The following MBNL1 variants were observed in gnomAD, a reference collection of about 807,000 sequenced individuals.
MBNL1 encodes muscleblind like splicing regulator 1.
Under a neutral mutation model 42.2 loss-of-function variants are expected in MBNL1, and 8 were observed. The ratio of observed to expected loss-of-function variants is 0.19; its 90% CI spans 0.11 to 0.34. The LOEUF (loss-of-function observed/expected upper bound fraction) is 0.34. MBNL1 is among the 10% of genes least tolerant of loss of function. The pLI, the probability that MBNL1 is intolerant of heterozygous loss-of-function variation, is 1.00. For missense variants in MBNL1, 309 were observed against 495.3 expected (o/e 0.62, Z 3.57); for synonymous variants, 169 against 173.9 (o/e 0.97, Z 0.22).
At chr3:152,413,234 A>G (rs902072611) in intron 2 of MBNL1, among the ~76,000 whole-genome samples, 1 of 152,232 alleles carries the variant, frequency 6.6e-6, no homozygotes, top group Non-Finnish European at 1.5e-5. Context: ...CTTCGTGAGC[A>G]TACCAATAGC....
At chr3:152,265,313 G>T (rs992312171), upstream of MBNL1, 7 of 151,456 alleles carry the variant, frequency 4.6e-5, no homozygotes, top group African/African-American at 1.7e-4. Flanking sequence ...TTTTATCCTG[G>T]TATAATAAAA....
chr3:152,332,893 G>A (rs1371687062), intron 2 of MBNL1, among the ~76,000 whole-genome samples: 1 of 152,062 alleles, frequency 6.6e-6, no homozygotes, highest in Non-Finnish European at 1.5e-5. Flanking sequence ...TTAACATTTG[G>A]GGACCTGAGT....
intron 2 of MBNL1, among the ~76,000 whole-genome samples, chr3:152,392,473 A>G (rs2153481116): frequency 6.6e-6 from 1 of 152,352 alleles, no homozygotes; most frequent in South Asian, 2.1e-4. Flanking sequence ...GCTTTTGAAA[A>G]TCAGCATACT....
chr3:152,364,580 C>CA (rs2096241579), intron 2 of MBNL1, among the ~76,000 whole-genome samples: 1 of 151,604 alleles, frequency 6.6e-6, no homozygotes, highest in African/African-American at 2.4e-5. Flanking sequence ...AATGGCATTA[C>CA]ATATTTATGG....
Position 152,432,862 on chromosome 3 carries a change from C to T in MBNL1, c.491C>T (p.Pro164Leu). ...PMLVTGNPGV[P>L]VPAAAAAAAQ... is the part of the protein sequence containing the mutation. Reference sequence around the variant, plus strand: ...TTGGTTACAGGGAATCCGGGTGTCCCTGTACCTGCAGCTGCTGCAGCTGCT... The same window carrying T: ...TTGGTTACAGGGAATCCGGGTGTCCTTGTACCTGCAGCTGCTGCAGCTGCT... Residue 164 changes from proline to leucine, a missense_variant, in exon 4 of 10, where the codon CCT becomes CTT. Coordinates refer to ENST00000324210, the MANE Select transcript of MBNL1 (RefSeq NM_021038.5). 1 of 1,614,094 alleles carries T rather than the reference C, an allele frequency of 6.2e-7. No homozygotes were observed. The highest frequency in any genetic ancestry group is 8.5e-7 in the Non-Finnish European group (1 of 1,179,976).
At chr3:152,370,368 T>C (rs2096605220) in intron 2 of MBNL1, among the ~76,000 whole-genome samples, 1 of 152,070 alleles carries the variant, frequency 6.6e-6, no homozygotes, top group Admixed American at 6.6e-5. Flanking sequence ...TCCGGGAGAC[T>C]GTTATGATTT....
intron 2 of MBNL1, among the ~76,000 whole-genome samples, chr3:152,322,919 C>T (rs2077262855): frequency 6.6e-6 from 1 of 152,002 alleles, no homozygotes; most frequent in African/African-American, 2.4e-5. Context: ...TAGTGAATTA[C>T]ATTTGTTTTA....
At chr3:152,408,322 C>A (rs2098483697) in intron 2 of MBNL1, among the ~76,000 whole-genome samples, 1 of 151,930 alleles carries the variant, frequency 6.6e-6, no homozygotes, top group African/African-American at 2.4e-5. Context: ...AGTGAAATCT[C>A]CCTAGAGACT....
At chr3:152,295,060 A>G (rs1410701140) in intron 1 of MBNL1, among the ~76,000 whole-genome samples, 1 of 152,200 alleles carries the variant, frequency 6.6e-6, no homozygotes, top group East Asian at 1.9e-4. Context: ...CTAATGCATA[A>G]TGGCCAGTAT....
At chr3:152,400,375 A>G (rs566943887) in intron 2 of MBNL1, among the ~76,000 whole-genome samples, 39 of 152,232 alleles carry the variant, frequency 2.6e-4, no homozygotes, top group Non-Finnish European at 4.7e-4. Flanking sequence ...TATAAAAGCA[A>G]TATTGTCAGG....
At chr3:152,428,184 T>TA (rs1349714651) in intron 3 of MBNL1, among the ~76,000 whole-genome samples, 5 of 152,246 alleles carry the variant, frequency 3.3e-5, no homozygotes, top group Admixed American at 6.5e-5. Flanking sequence ...AAAGAATATT[T>TA]AATGTATTTG....
intron 9 of MBNL1, among the ~76,000 whole-genome samples, chr3:152,459,603 A>G (rs532787385): frequency 1.2e-4 from 18 of 152,204 alleles, no homozygotes; most frequent in Non-Finnish European, 2.2e-4. Flanking sequence ...AAGAAAATGT[A>G]TGACCAAAAA....
At chr3:152,441,439 AAGATT>A (rs1269954921) in intron 4 of MBNL1, among the ~76,000 whole-genome samples, 1 of 152,130 alleles carries the variant, frequency 6.6e-6, no homozygotes, top group African/African-American at 2.4e-5. Context: ...TTTCATTGTG[AAGATT>A]CCTTAGCTAG....
intron 1 of MBNL1, among the ~76,000 whole-genome samples, chr3:152,270,229 C>T (rs1042798474): frequency 6.6e-6 from 1 of 152,112 alleles, no homozygotes; most frequent in Non-Finnish European, 1.5e-5. Context: ...GTGTGCCCAC[C>T]AGCACAGGCA....
intron 3 of MBNL1, among the ~76,000 whole-genome samples, chr3:152,427,396 C>CT (rs1215322654): frequency 1.3e-5 from 2 of 152,044 alleles, no homozygotes; most frequent in African/African-American, 4.8e-5. Flanking sequence ...ATTTGCTACC[C>CT]TTTTTTTAAA....
intron 2 of MBNL1, among the ~76,000 whole-genome samples, chr3:152,328,346 G>A (rs1489901582): frequency 1.3e-5 from 2 of 152,054 alleles, no homozygotes; most frequent in Non-Finnish European, 2.9e-5. Flanking sequence ...CTAGGGTTAT[G>A]TTATGTTGTT....
In MBNL1 at chr3:152,344,553, G is replaced by A. The variant is rs554498384; in HGVS notation, c.174+44186G>A. 3.3e-5 allele frequency among the ~76,000 whole-genome samples: 5 copies of A among 152,238 alleles called. No individual in the cohort carries two copies. The South Asian group carries it at 8.3e-4, about 25-fold the overall frequency. ...AGTAAAACTCAAACCAAGTGTTTCC[G>A]TGAACATTTGTGTCTTCTTAATTTG... On this transcript the variant is annotated intron_variant, in intron 2 of 9. Transcript: ENST00000324210.
chr3:152,375,779 G>C (rs2096872102), intron 2 of MBNL1, among the ~76,000 whole-genome samples: 1 of 151,082 alleles, frequency 6.6e-6, no homozygotes, highest in Non-Finnish European at 1.5e-5. Context: ...TGATTGCTCT[G>C]CTACACTCCA....
At chr3:152,444,825 G>A (rs985587401) in intron 4 of MBNL1, among the ~76,000 whole-genome samples, 1 of 152,120 alleles carries the variant, frequency 6.6e-6, no homozygotes, top group African/African-American at 2.4e-5. Context: ...CACTTCATCT[G>A]ATGTTTCATC....
Sources: allele counts gnomAD v4.1 joint callset (sites outside exome capture counted in the v4.1 genomes callset), GRCh38; gene constraint gnomAD v4.1.1; transcripts MANE v1.5; gene names NCBI Gene and HGNC (gene_info 2026-07-23, HGNC 2026-07-21).